The following RNF150 variants were observed in gnomAD, a reference collection of about 807,000 sequenced individuals.
RNF150 encodes the protein ring finger protein 150.
A neutral mutation model predicts 39.3 loss-of-function variants in RNF150; 24 were observed. That is an observed-to-expected ratio of 0.61 (90% CI 0.44 to 0.86). RNF150 has a LOEUF of 0.86. Among genes scored for constraint, RNF150 ranks in the 40% least tolerant of loss-of-function variants. The probability of loss-of-function intolerance (pLI) is 0.00; values close to 1 mark genes in which losing one functional copy is unlikely to be tolerated. For missense variants in RNF150, 502 were observed against 587.8 expected (o/e 0.85, Z 1.51); for synonymous variants, 255 against 227.3 (o/e 1.12, Z -1.10).
intron 1 of RNF150, among the ~76,000 whole-genome samples, chr4:141,023,895 C>T (rs1474467400): frequency 6.6e-6 from 1 of 152,132 alleles, no homozygotes; most frequent in Non-Finnish European, 1.5e-5. Flanking sequence ...ATGTATTAAA[C>T]CTCAGTTTAT....
chr4:140,897,905 A>T (rs1313435953), intron 6 of RNF150, among the ~76,000 whole-genome samples: 1 of 152,212 alleles, frequency 6.6e-6, no homozygotes, highest in Non-Finnish European at 1.5e-5. Flanking sequence ...TTACACAGAT[A>T]GCAGGTGGCA....
chr4:141,091,106 T>C (rs10026152), intron 1 of RNF150, among the ~76,000 whole-genome samples: 43,876 of 152,076 alleles, frequency 0.29, 6,657 homozygotes, highest in African/African-American at 0.36. Flanking sequence ...GTCTAGTTTC[T>C]GGAGTCAGGG....
intron 1 of RNF150, among the ~76,000 whole-genome samples, chr4:141,115,067 C>T (rs995089538): frequency 6.6e-6 from 1 of 152,192 alleles, no homozygotes; most frequent in Non-Finnish European, 1.5e-5. Flanking sequence ...GAAGAATTCC[C>T]TTTGAAAACC....
intron 1 of RNF150, among the ~76,000 whole-genome samples, chr4:141,047,245 A>G (rs867179696): frequency 2.6e-5 from 4 of 152,142 alleles, no homozygotes; most frequent in South Asian, 2.1e-4. Context: ...AGTTTTTTAC[A>G]TATGTTAAAA....
At chr4:141,130,829 A>C (rs1298714281) in intron 1 of RNF150, among the ~76,000 whole-genome samples, 1 of 152,224 alleles carries the variant, frequency 6.6e-6, no homozygotes, top group African/African-American at 2.4e-5. Flanking sequence ...CTTGAATATC[A>C]AAGTTTCAGT....
chr4:140,907,677 C>T (rs1730438593), intron 6 of RNF150, among the ~76,000 whole-genome samples: 1 of 152,178 alleles, frequency 6.6e-6, no homozygotes, highest in Admixed American at 6.5e-5. Flanking sequence ...GAGTAGGCAA[C>T]TGTGTTAATT....
At chr4:141,125,807 T>C (rs770844898) in intron 1 of RNF150, among the ~76,000 whole-genome samples, 1 of 152,102 alleles carries the variant, frequency 6.6e-6, no homozygotes, top group South Asian at 2.1e-4. Flanking sequence ...AGCCAGGAGA[T>C]TTTTAAGACA....
chr4:140,894,651 C>T (rs1244056340), intron 6 of RNF150, among the ~76,000 whole-genome samples: 1 of 152,080 alleles, frequency 6.6e-6, no homozygotes, highest in African/African-American at 2.4e-5. Context: ...CAGTAGCAAA[C>T]AATCAATGCA....
At chr4:141,136,093 A>G (rs1271338220), upstream of RNF150, among the ~76,000 whole-genome samples, 1 of 152,226 alleles carries the variant, frequency 6.6e-6, no homozygotes, top group Non-Finnish European at 1.5e-5. Context: ...ACTGATCCAA[A>G]TTGAAGAGAT....
rs114090964 is a variant in RNF150 at position 141,144,092 on chromosome 4, A to C, written c.-6+68702T>G. 7.8e-3 allele frequency among the ~76,000 whole-genome samples: 1,182 copies of C among 151,702 alleles called. 5 individuals carry two copies. Among genetic ancestry groups the C allele is most frequent in the Non-Finnish European group, 0.013 (914 of 68,002 alleles). ...CAATGCTTATCATGGTCTGGCTCAT[A>C]ATAAACCAAGTAGCAGAAGTTGCTG... On this transcript the variant is annotated intron_variant, in intron 1 of 7. Coordinates refer to the RNF150 transcript ENST00000420921.
At chr4:141,116,436 T>C (rs1578745578) in intron 1 of RNF150, among the ~76,000 whole-genome samples, 1 of 152,142 alleles carries the variant, frequency 6.6e-6, no homozygotes, top group African/African-American at 2.4e-5. Flanking sequence ...AAAACCACGA[T>C]GAGATACCAT....
chr4:141,041,695 T>G (rs1242173745), intron 1 of RNF150, among the ~76,000 whole-genome samples: 2 of 152,086 alleles, frequency 1.3e-5, no homozygotes, highest in Non-Finnish European at 1.5e-5. Flanking sequence ...TATTGCTACT[T>G]TTGATGATAT....
At chr4:140,957,143 C>T (rs1181561590) in intron 2 of RNF150, among the ~76,000 whole-genome samples, 9 of 151,422 alleles carry the variant, frequency 5.9e-5, no homozygotes, top group Admixed American at 3.3e-4. Flanking sequence ...AGAAAATTTT[C>T]GCAACCTACT....
chr4:140,956,388 T>G (rs1040475267), intron 2 of RNF150, among the ~76,000 whole-genome samples: 30 of 152,186 alleles, frequency 2.0e-4, no homozygotes, highest in African/African-American at 6.8e-4. Context: ...ACAGGAGAAC[T>G]GTCCATAGTG....
chr4:140,910,453 A>G (rs1017870481), intron 6 of RNF150, among the ~76,000 whole-genome samples: 5 of 152,098 alleles, frequency 3.3e-5, no homozygotes, highest in African/African-American at 1.2e-4. Flanking sequence ...TAATACACAT[A>G]ATTTAATATT....
chr4:141,173,679 C>T (rs1378464177), intron 1 of RNF150, among the ~76,000 whole-genome samples: 2 of 152,142 alleles, frequency 1.3e-5, no homozygotes, highest in Non-Finnish European at 2.9e-5. Context: ...TTGAGCAGAG[C>T]CAGCCAACTG....
intron 1 of RNF150, among the ~76,000 whole-genome samples, chr4:141,207,105 C>T (rs535128706): frequency 7.7e-4 from 118 of 152,290 alleles, no homozygotes; most frequent in South Asian, 3.9e-3. Flanking sequence ...GGGTCTTCCT[C>T]TCCCCACCCA....
chr4:141,211,811 A>G (rs918588520), intron 1 of RNF150, among the ~76,000 whole-genome samples: 3 of 152,148 alleles, frequency 2.0e-5, no homozygotes, highest in Non-Finnish European at 4.4e-5. Flanking sequence ...ACTTTGCTAT[A>G]TAATCTTTAC....
At chr4:141,140,065 T>TACGG (rs1727093119) in intron 1 of RNF150, among the ~76,000 whole-genome samples, 1 of 152,216 alleles carries the variant, frequency 6.6e-6, no homozygotes, top group South Asian at 2.1e-4. Flanking sequence ...GCCAGGTACT[T>TACGG]GCTGTACGGG....
Sources: gnomAD v4.1 joint callset for allele counts (sites outside exome capture counted in the v4.1 genomes callset) on GRCh38, gnomAD v4.1.1 for gene constraint, MANE v1.5 for transcripts, NCBI Gene and HGNC (gene_info 2026-07-23, HGNC 2026-07-21) for gene names.